Variants in ATG4C observed in about 807,000 individuals in gnomAD.
The protein encoded by ATG4C is autophagy related 4C cysteine peptidase.
A neutral mutation model predicts 57.6 loss-of-function variants in ATG4C; 56 were observed. That is an observed-to-expected ratio of 0.97 (90% CI 0.78 to 1.21). The LOEUF is 1.21. Ranked by LOEUF, ATG4C falls within the 50% of genes most tolerant of loss-of-function variation. ATG4C has a pLI of 0.00. For missense variants in ATG4C, 595 were observed against 529.8 expected, an observed-to-expected ratio of 1.12 and a Z score of -1.21; for synonymous variants, 157 against 174.1, an observed-to-expected ratio of 0.90 and a Z score of 0.78.
chr1:62,796,065 G>T (rs1664452001), intron 1 of ATG4C, among the ~76,000 whole-genome samples: 2 of 151,966 alleles, frequency 1.3e-5, no homozygotes, highest in African/African-American at 4.8e-5. Context: ...GAAATATACT[G>T]ACAGAGAAGA....
chr1:62,837,878 C>T (rs1241496433), intron 9 of ATG4C, among the ~76,000 whole-genome samples: 5 of 152,084 alleles, frequency 3.3e-5, no homozygotes, highest in African/African-American at 1.2e-4. Context: ...GTAGCCTTGA[C>T]CTCCTGGGCT....
intron 6 of ATG4C, among the ~76,000 whole-genome samples, chr1:62,825,384 C>T (rs1665617699): frequency 6.6e-6 from 1 of 152,156 alleles, no homozygotes; most frequent in Non-Finnish European, 1.5e-5. Context: ...ACTCTTTCCT[C>T]TTCCTCCTTA....
At chr1:62,813,014 AAG>A (rs1557968877) in intron 3 of ATG4C, among the ~76,000 whole-genome samples, 1 of 152,238 alleles carries the variant, frequency 6.6e-6, no homozygotes, top group Non-Finnish European at 1.5e-5. Context: ...CATGGATAGG[AAG>A]AATCAATATC....
intron 6 of ATG4C, among the ~76,000 whole-genome samples, chr1:62,822,821 A>T (rs1286053298): frequency 6.6e-6 from 1 of 152,010 alleles, no homozygotes; most frequent in Non-Finnish European, 1.5e-5. Flanking sequence ...TATGGCTTTA[A>T]ATACTTAGGA....
chr1:62,839,365 A>G (rs1434550420), intron 9 of ATG4C, among the ~76,000 whole-genome samples: 1 of 152,116 alleles, frequency 6.6e-6, no homozygotes, highest in Non-Finnish European at 1.5e-5. Context: ...TTACATGAAA[A>G]CTTTTACCAG....
chr1:62,796,557 TTTTAAC>T (rs1403238509), intron 1 of ATG4C, among the ~76,000 whole-genome samples: 6 of 152,182 alleles, frequency 3.9e-5, no homozygotes, highest in Non-Finnish European at 8.8e-5. Flanking sequence ...TGTCTCAGCA[TTTTAAC>T]TTTATCAGCT....
At chr1:62,833,260 A>G (rs1665897511) in intron 7 of ATG4C, among the ~76,000 whole-genome samples, 1 of 152,154 alleles carries the variant, frequency 6.6e-6, no homozygotes, top group Non-Finnish European at 1.5e-5. Context: ...AGTGTTTTAT[A>G]GGATATATCA....
intron 9 of ATG4C, among the ~76,000 whole-genome samples, chr1:62,839,399 C>G (rs894892330): frequency 6.6e-6 from 1 of 152,068 alleles, no homozygotes; most frequent in Non-Finnish European, 1.5e-5. Context: ...TATAGAATAC[C>G]CTTTGTAGAT....
At position 62,829,681 on chromosome 1, in the gene ATG4C, A is replaced by G. The variant is rs72669575; in HGVS notation, c.933+505A>G. On this transcript the variant is annotated intron_variant, in intron 7 of 10. Transcript: ENST00000317868. ...GAGGAATTCCAACTTTGTTTTTTTC[A>G]TCTTAACCAGTTAAAAATCGGTTCT... 7.4e-3 allele frequency among the ~76,000 whole-genome samples: 1,129 copies of G among 152,164 alleles called. 5 individuals are homozygous for G. The highest frequency in any genetic ancestry group is 0.017 in the Middle Eastern group (5 of 294).
At chr1:62,856,659 A>G (rs1261034944) in intron 10 of ATG4C, among the ~76,000 whole-genome samples, 1 of 152,216 alleles carries the variant, frequency 6.6e-6, no homozygotes, top group South Asian at 2.1e-4. Flanking sequence ...TGATCCTTAC[A>G]TTATACTAGA....
chr1:62,806,077 A>G (rs2100299041), intron 3 of ATG4C, among the ~76,000 whole-genome samples: 1 of 152,330 alleles, frequency 6.6e-6, no homozygotes, highest in South Asian at 2.1e-4. Context: ...TAGTAATAAC[A>G]GCTGACATTT....
chr1:62,832,515 A>G (rs1665874830), intron 7 of ATG4C, among the ~76,000 whole-genome samples: 1 of 152,140 alleles, frequency 6.6e-6, no homozygotes, highest in African/African-American at 2.4e-5. Flanking sequence ...CAGGAGAGAG[A>G]AACCATTCCT....
chr1:62,805,181 T>C lies in ATG4C; in HGVS notation c.86T>C (p.Leu29Ser). Residue 29 changes from leucine (L) to serine (S), a missense_variant, in exon 3 of 11, where the codon TTG (leucine) becomes TCG (serine). Transcript: ENST00000317868. Reference sequence around the variant, plus strand: ...TTTTTTTTTTTGCTAGGTTGGGTGTTGAAAACAAAGACGTATTTTAGTAGA... The same window carrying C: ...TTTTTTTTTTTGCTAGGTTGGGTGTCGAAAACAAAGACGTATTTTAGTAGA... ...AWNNMKYSWV[L>S]KTKTYFSRNS... is the part of the protein sequence containing the mutation. The C allele has an allele frequency of 6.6e-7, 1 of 1,522,688 alleles. No homozygotes were observed. The highest frequency in any genetic ancestry group is 8.7e-7 in the Non-Finnish European group (1 of 1,146,982). The allele number at this position is 1,522,688 out of a possible 1,614,324, so 94.3% of individuals were successfully genotyped here. A position where few individuals can be genotyped will look rare whatever the true frequency, so the allele number is the denominator to read the frequency against.
In ATG4C at chr1:62,864,188, G is replaced by T. The variant is rs750808658; in HGVS notation, c.*29G>T. The T allele has an allele frequency of 3.9e-6, 6 of 1,546,884 alleles. No individual in the cohort carries two copies. The African/African-American group carries it at 4.2e-5, about 11-fold the overall frequency. Reference sequence around the variant, plus strand: ...TTAGCACATTTGTGCTTGATAAGAAGAATTCCATTGAAAGGGGAAAAATGA... The same window carrying T: ...TTAGCACATTTGTGCTTGATAAGAATAATTCCATTGAAAGGGGAAAAATGA... On this transcript the variant is annotated 3_prime_UTR_variant, in exon 11 of 11. Coordinates refer to ENST00000317868, the MANE Select transcript of ATG4C (RefSeq NM_032852.4).
chr1:62,862,743 T>C (rs1300440155), intron 10 of ATG4C, among the ~76,000 whole-genome samples: 3 of 152,056 alleles, frequency 2.0e-5, no homozygotes, highest in Non-Finnish European at 4.4e-5. Flanking sequence ...AGTTGTCTCA[T>C]TGAAATATTT....
At chr1:62,807,425 G>A (rs1402784769) in intron 3 of ATG4C, among the ~76,000 whole-genome samples, 1 of 152,098 alleles carries the variant, frequency 6.6e-6, no homozygotes, top group Non-Finnish European at 1.5e-5. Flanking sequence ...GACTCTGTGG[G>A]TTTCTGGATG....
chr1:62,840,852 C>G (rs1404678229), intron 9 of ATG4C, among the ~76,000 whole-genome samples: 1 of 152,080 alleles, frequency 6.6e-6, no homozygotes, highest in Admixed American at 6.6e-5. Flanking sequence ...CAGCCTGTTC[C>G]CTGAGAAGAA....
In ATG4C at chr1:62,784,228, T is replaced by G. The variant is rs1664006163; in HGVS notation, c.-114T>G. 6.5e-6 allele frequency: 1 copy of G among 153,052 alleles called. No homozygotes were observed. The highest frequency in any genetic ancestry group is 2.4e-5 in the African/African-American group (1 of 41,466). The allele number at this position is 153,052 out of a possible 1,614,324, so 9.5% of individuals were successfully genotyped here. A position where few individuals can be genotyped will look rare whatever the true frequency, so the allele number is the denominator to read the frequency against. ...GCTAGAGCTGGAGCATTTGCCGGGT[T>G]GGTGGCTCCTGCACATTTTTACAGT... On this transcript the variant is annotated 5_prime_UTR_variant, in exon 1 of 11. Transcript: ENST00000317868.
intron 1 of ATG4C, among the ~76,000 whole-genome samples, 163 bp downstream of exon 1, chr1:62,784,436 C>T (rs1403480632): frequency 6.6e-6 from 1 of 152,170 alleles, no homozygotes; most frequent in East Asian, 1.9e-4. Context: ...TCTCTCCTTT[C>T]TAGTGTCATT....
Sources: allele counts gnomAD v4.1 joint callset (sites outside exome capture counted in the v4.1 genomes callset), GRCh38; gene constraint gnomAD v4.1.1; transcripts MANE v1.5; gene names NCBI Gene and HGNC (gene_info 2026-07-23, HGNC 2026-07-21).